The following TMEM130 variants were observed in gnomAD, a reference collection of about 807,000 sequenced individuals.
TMEM130 encodes the protein transmembrane protein 130.
A neutral mutation model predicts 42.9 loss-of-function variants in TMEM130; 37 were observed. The ratio of observed to expected loss-of-function variants is 0.86; its 90% CI spans 0.66 to 1.13. TMEM130 has a LOEUF of 1.13. Ranked by LOEUF, TMEM130 falls within the 50% of genes most tolerant of loss-of-function variation. TMEM130 has a pLI of 0.00. For missense variants in TMEM130, 545 were observed against 562.6 expected (o/e 0.97, Z 0.32); for synonymous variants, 259 against 237.7 (o/e 1.09, Z -0.82).
At chr7:98,858,297 T>C (rs1038008941) in intron 3 of TMEM130, among the ~76,000 whole-genome samples, 2 of 152,128 alleles carry the variant, frequency 1.3e-5, no homozygotes, top group Admixed American at 1.3e-4. Context: ...TCCCAGTGCT[T>C]TGGGAGGCTG....
chr7:98,848,700 G>C lies in TMEM130; in HGVS notation c.1007-5C>G. The C allele has an allele frequency of 6.3e-7, 1 of 1,594,936 alleles. No homozygotes were observed. Among genetic ancestry groups the C allele is most frequent in the Non-Finnish European group, 8.6e-7 (1 of 1,162,564 alleles). ...CAAAGACAGCCGGCTGGATTCCTGG[G>C]AATGAAAGAAGTAACATTACAGGAC... On this transcript the variant is annotated splice_region_variant and splice_polypyrimidine_tract_variant and intron_variant, in intron 6 of 7. Transcript: ENST00000339375.
At chr7:98,848,274 C>A in intron 7 of TMEM130, 66 bp from the exon 8 acceptor site, 2 of 1,595,094 alleles carry the variant, frequency 1.3e-6, no homozygotes, top group Non-Finnish European at 1.7e-6. Flanking sequence ...ACGGGTCAAT[C>A]ACCCACCCAC....
intron 1 of TMEM130, among the ~76,000 whole-genome samples, chr7:98,864,591 T>C (rs1210961441): frequency 1.2e-4 from 18 of 151,762 alleles, no homozygotes; most frequent in Non-Finnish European, 2.9e-5. Context: ...CCTCTCTCTC[T>C]GTCAGGGTTA....
At position 98,848,949 on chromosome 7, in the gene TMEM130, C is replaced by T. The variant is rs138683423; in HGVS notation, c.1007-254G>A. 3.9e-3 allele frequency among the ~76,000 whole-genome samples: 596 copies of T among 152,294 alleles called. 5 individuals are homozygous for T. The highest frequency in any genetic ancestry group is 4.4e-3 in the Non-Finnish European group (296 of 68,024). On this transcript the variant is annotated intron_variant, in intron 6 of 7. Coordinates refer to ENST00000339375, the MANE Select transcript of TMEM130 (RefSeq NM_152913.3). The stretch of plus-strand genomic sequence containing the variant: ...TGGTAGCAACTTCCAAGAGGGGCAG[C>T]TAAATTCCTCACACCTTGAGTGAGG...
At chr7:98,862,483 ATTTCTTTTTTTT>A (rs1175392750) in intron 2 of TMEM130, among the ~76,000 whole-genome samples, 2 of 122,878 alleles carry the variant, frequency 1.6e-5, no homozygotes, top group Non-Finnish European at 1.6e-5. Flanking sequence ...GACTACAATA[ATTTCTTTTTTTT>A]TTTTTTTTTT....
intron 5 of TMEM130, among the ~76,000 whole-genome samples, chr7:98,853,055 G>C (rs1794547268): frequency 6.6e-6 from 1 of 152,182 alleles, no homozygotes; most frequent in Non-Finnish European, 1.5e-5. Context: ...GCTGGAAAAT[G>C]CAGGTCCATC....
At chr7:98,855,209 GCA>G (rs1794598613) in intron 5 of TMEM130, 29 bp downstream of exon 5, 1 of 1,596,224 alleles carries the variant, frequency 6.3e-7, no homozygotes, top group African/African-American at 1.3e-5. Context: ...AGCCCACGGG[GCA>G]CCCCCAGTGC....
chr7:98,849,145 C>T (rs781867636), intron 6 of TMEM130, among the ~76,000 whole-genome samples: 1 of 152,216 alleles, frequency 6.6e-6, no homozygotes. Context: ...ACTGTGTCCC[C>T]TGCTTCAGCT....
Position 98,856,005 on chromosome 7 carries a change from C to T in TMEM130, c.718+12G>A. ...GAACGCCCAGACTGCATCAGCCTGC[C>T]TGGACACCCACCCTGCAGCTTCAGC... On this transcript the variant is annotated intron_variant, in intron 4 of 7. Coordinates refer to ENST00000339375, the MANE Select transcript of TMEM130 (RefSeq NM_152913.3). 1 of 1,611,264 alleles carries T rather than the reference C, an allele frequency of 6.2e-7. No individual in the cohort carries two copies. Among genetic ancestry groups the T allele is most frequent in the Non-Finnish European group, 8.5e-7 (1 of 1,179,770 alleles).
rs1794865150 is a variant in TMEM130 at position 98,864,491 on chromosome 7, A to G, written c.86-1091T>C. Among the ~76,000 whole-genome samples the G allele has an allele frequency of 1.4e-5, 2 of 142,762 alleles. 1 individual carries two copies. Among genetic ancestry groups the G allele is most frequent in the Middle Eastern group, 7.3e-3 (2 of 274 alleles). 93.7% of individuals were successfully genotyped at this position (142,762 alleles called of 152,430 possible). A position where few individuals can be genotyped will look rare whatever the true frequency, so the allele number is the denominator to read the frequency against. ...CTTAGCCTCCCAAAGTGCTGGGATT[A>G]CAGGCATGAGCCAGCGTCCTCAACC... On this transcript the variant is annotated intron_variant, in intron 1 of 7. Coordinates refer to ENST00000339375, the MANE Select transcript of TMEM130 (RefSeq NM_152913.3).
At chr7:98,850,273 A>ATATATTTTTTTTTTTTTTTT in intron 6 of TMEM130, among the ~76,000 whole-genome samples, 3 of 35,474 alleles carry the variant, frequency 8.5e-5, no homozygotes, top group Non-Finnish European at 1.9e-4. Context: ...ATATATATAT[A>ATATATTTTTTTTTTTTTTTT]TTTTTTTTTT....
At chr7:98,863,666 T>C (rs1794840570) in intron 1 of TMEM130, among the ~76,000 whole-genome samples, 1 of 139,098 alleles carries the variant, frequency 7.2e-6, no homozygotes, top group East Asian at 2.4e-4. Flanking sequence ...CCTTCCTCCT[T>C]CCCTCCTTCC....
At chr7:98,850,267 A>ATTTTTTTT (rs1161479294) in intron 6 of TMEM130, among the ~76,000 whole-genome samples, 8 of 28,818 alleles carry the variant, frequency 2.8e-4, no homozygotes, top group Non-Finnish European at 5.2e-4. Context: ...ATATATATAT[A>ATTTTTTTT]TATATATTTT....
At chr7:98,863,463 C>T in intron 1 of TMEM130, 63 bp from the exon 2 acceptor site, 2 of 1,434,010 alleles carry the variant, frequency 1.4e-6, no homozygotes, top group Admixed American at 4.9e-5. Context: ...CCCACAGCCA[C>T]CTCTGGGCTG....
rs141333258 is a variant in TMEM130, at chr7:98,851,547, C to A, written c.880G>T (p.Val294Leu). 6.2e-7 allele frequency: 1 copy of A among 1,614,054 alleles called. No homozygotes were observed. The highest frequency in any genetic ancestry group is 1.1e-5 in the South Asian group (1 of 91,074). ...GTCAGGTTGTACGCTGTGCTGGCCA[C>A]GGACACAGGGTGGCACTCCCCTTCC... Reference protein sequence around the residue: ...LEEGECHPVSVASTAYNLTHT... With the variant: ...LEEGECHPVSLASTAYNLTHT... The change falls in exon 6 of 8, where the codon GTG (valine) becomes TTG (leucine). Residue 294 changes from valine (V) to leucine (L), a missense_variant. Coordinates refer to ENST00000339375, the MANE Select transcript of TMEM130 (RefSeq NM_152913.3).
chr7:98,862,984 C>T, intron 2 of TMEM130, 111 bp downstream of exon 2: 1 of 1,179,598 alleles, frequency 8.5e-7, no homozygotes, highest in Non-Finnish European at 1.1e-6. Context: ...CGGGCCTAAT[C>T]CCCCAGAACC....
intron 1 of TMEM130, 80 bp from the exon 2 acceptor site, chr7:98,863,480 ACTATT>A: frequency 7.4e-7 from 1 of 1,356,184 alleles, no homozygotes; most frequent in Non-Finnish European, 9.8e-7. Flanking sequence ...GCTGGCATCA[ACTATT>A]CTATTTCCCA....
Position 98,863,191 on chromosome 7 carries a change from C to T in TMEM130, c.295G>A (p.Val99Met), listed in dbSNP as rs376067598. ...ACAGAGACCGGGAATTCCCCGGGCA[C>T]GTGGCCGACCACACGGATGGTGGAG... ...LSSTIRVVGHVPGEFPVSVWV... is the reference protein window; with the variant it reads ...LSSTIRVVGHMPGEFPVSVWV... The change falls in exon 2 of 8, where the codon GTG (valine) becomes ATG (methionine). Residue 99 changes from valine to methionine, a missense_variant. Physicochemically the swap from Val to Met is conservative, Grantham distance 21. Transcript: ENST00000339375. 3.3e-5 allele frequency: 54 copies of T among 1,614,090 alleles called. No homozygotes were observed. Among genetic ancestry groups the T allele is most frequent in the South Asian group, 7.7e-5 (7 of 91,082 alleles).
At position 98,855,320 on chromosome 7, in the gene TMEM130, G is replaced by A. The variant is rs782271334; in HGVS notation, c.723C>T (p.Thr241=). 3 of 1,612,180 alleles carry A rather than the reference G, an allele frequency of 1.9e-6. No individual in the cohort carries two copies. The highest frequency in any genetic ancestry group is 2.5e-6 in the Non-Finnish European group (3 of 1,178,966). Residue 241 remains threonine, a synonymous_variant, in exon 5 of 8, where the codon ACC becomes ACT. Transcript: ENST00000339375. ...GCCCCAACACTTGGATGCCTCGAAGGGTTTCTGTAAGGCAGAGAGAACCCC... is the reference window on the plus strand; with the variant it reads ...GCCCCAACACTTGGATGCCTCGAAGAGTTTCTGTAAGGCAGAGAGAACCCC... The part of the protein sequence containing the change: ...DFSASLKLQE[T]LRGIQVLGPT...
Sources: gnomAD v4.1 joint callset for allele counts (sites outside exome capture counted in the v4.1 genomes callset) on GRCh38, gnomAD v4.1.1 for gene constraint, MANE v1.5 for transcripts, NCBI Gene and HGNC (gene_info 2026-07-23, HGNC 2026-07-21) for gene names.